Variants in TSC22D1 observed in about 807,000 individuals in gnomAD.
The protein encoded by TSC22D1 is TSC22 domain family member 1, also known as TSC22 domain family protein 1.
A neutral mutation model predicts 74.2 loss-of-function variants in TSC22D1; 9 were observed. The ratio of observed to expected loss-of-function variants is 0.12; its 90% CI spans 0.07 to 0.21. The LOEUF (loss-of-function observed/expected upper bound fraction) is 0.21, where lower values mean the gene tolerates loss of function less well. TSC22D1 is among the 10% of genes least tolerant of loss of function. TSC22D1 has a pLI of 1.00. For synonymous variants in TSC22D1, 586 were observed against 492.5 expected, an observed-to-expected ratio of 1.19 and a Z score of -2.51; for missense variants, 1,427 against 1,304.7, an observed-to-expected ratio of 1.09 and a Z score of -1.44.
At chr13:44,509,394 T>C (rs900195234) in intron 1 of TSC22D1, among the ~76,000 whole-genome samples, 3 of 152,214 alleles carry the variant, frequency 2.0e-5, no homozygotes, top group Non-Finnish European at 4.4e-5. Flanking sequence ...ATCCCAGCAC[T>C]TTGGGAGGCC....
At chr13:44,553,995 G>A (rs1303303167) in intron 1 of TSC22D1, among the ~76,000 whole-genome samples, 3 of 152,164 alleles carry the variant, frequency 2.0e-5, no homozygotes, top group Non-Finnish European at 2.9e-5. Flanking sequence ...GTACAGAACC[G>A]CTGCTTTAGA....
intron 1 of TSC22D1, among the ~76,000 whole-genome samples, chr13:44,570,733 A>T (rs992612777): frequency 6.6e-6 from 1 of 152,178 alleles, no homozygotes. Context: ...CATAATATTG[A>T]AATTATATAT....
rs1260650883 is a variant in TSC22D1, at chr13:44,437,168, G to A, written c.2913-1073C>T. On this transcript the variant is annotated intron_variant, in intron 1 of 2. Transcript: ENST00000458659. ...AAAAATACTATGGGGGCCCCCACAC[G>A]TGCTTACGTTTAAGGGAGTCAGACC... is the stretch of plus-strand genomic sequence containing the variant. 14 of 985,430 alleles carry A rather than the reference G, an allele frequency of 1.4e-5. 1 individual carries two copies. The South Asian group carries it at 4.7e-4, about 33-fold the overall frequency. 61.0% of individuals were successfully genotyped at this position (985,430 alleles called of 1,614,324 possible).
intron 1 of TSC22D1, among the ~76,000 whole-genome samples, chr13:44,451,093 C>T (rs994026831): frequency 6.6e-6 from 1 of 152,152 alleles, no homozygotes; most frequent in Non-Finnish European, 1.5e-5. Flanking sequence ...ATGAAGAGAT[C>T]AGGTCAGCTC....
chr13:44,443,522 A>T (rs1875375423), intron 1 of TSC22D1, among the ~76,000 whole-genome samples: 1 of 152,194 alleles, frequency 6.6e-6, no homozygotes, highest in South Asian at 2.1e-4. Context: ...GGTTAAATAC[A>T]AAAACTTTTC....
At position 44,539,716 on chromosome 13, in the gene TSC22D1, A is replaced by AGG. The variant is rs145783518; in HGVS notation, c.2912+33445_2912+33446dup. 6,948 of 1,210,148 alleles carry AGG rather than the reference A, an allele frequency of 5.7e-3. 217 individuals are homozygous for AGG. In the African/African-American group the frequency reaches 0.078, roughly 14 times the overall value. The allele number at this position is 1,210,148 out of a possible 1,614,324, so 75.0% of individuals were successfully genotyped here. Reference sequence around the variant, plus strand: ...ACCACAGAATTAAATGGGCAATGGAAGGACACTCCAATCTATAAATTAACC... The same window carrying AGG: ...ACCACAGAATTAAATGGGCAATGGAAGGGGACACTCCAATCTATAAATTAACC... On this transcript the variant is annotated intron_variant, in intron 1 of 2. Transcript: ENST00000458659.
intron 1 of TSC22D1, among the ~76,000 whole-genome samples, chr13:44,551,389 G>GGTGGGTGTGTGGGGGTGT (rs1298469090): frequency 8.0e-6 from 1 of 125,252 alleles, no homozygotes. Context: ...CAATCAGATG[G>GGTGGGTGTGTGGGGGTGT]GTGTGTGTGT....
rs183576810 is a variant in TSC22D1 at position 44,541,666 on chromosome 13, G to A, written c.2912+31497C>T. On this transcript the variant is annotated intron_variant, in intron 1 of 2. Transcript: ENST00000458659. ...TTTTACAGTATAATCACAATGAGGA[G>A]GTATATGATGGATGATAAGAAGAAA... 1.1e-3 allele frequency among the ~76,000 whole-genome samples: 173 copies of A among 152,084 alleles called. 1 individual carries two copies. Among genetic ancestry groups the A allele is most frequent in the Middle Eastern group, 0.01 (3 of 294 alleles).
intron 1 of TSC22D1, among the ~76,000 whole-genome samples, chr13:44,500,042 G>A (rs746673966): frequency 6.6e-5 from 10 of 150,648 alleles, no homozygotes; most frequent in African/African-American, 1.2e-4. Flanking sequence ...AGCTGAGATG[G>A]CGCCCACTGC....
intron 1 of TSC22D1, among the ~76,000 whole-genome samples, chr13:44,528,112 C>G (rs909474266): frequency 1.3e-5 from 2 of 151,876 alleles, no homozygotes; most frequent in Non-Finnish European, 2.9e-5. Context: ...ACTTAAACAC[C>G]CCTCAATCAG....
At chr13:44,517,811 A>G (rs112448096) in intron 1 of TSC22D1, among the ~76,000 whole-genome samples, 6,232 of 54,994 alleles carry the variant, frequency 0.11, 464 homozygotes, top group Non-Finnish European at 0.16. Flanking sequence ...ACACATATAT[A>G]TGTGTGTGTG....
intron 1 of TSC22D1, among the ~76,000 whole-genome samples, chr13:44,478,272 A>AG (rs1431939575): frequency 6.6e-6 from 1 of 152,208 alleles, no homozygotes; most frequent in Non-Finnish European, 1.5e-5. Flanking sequence ...TGTTTTATAC[A>AG]GAAAAAATAC....
rs746467298 is a variant in TSC22D1 at position 44,537,502 on chromosome 13, G to C, written c.2912+35661C>G. On this transcript the variant is annotated intron_variant, in intron 1 of 2. Transcript: ENST00000458659. ...CTTATAATCTCACAGGCCACACAAA[G>C]CGGTTTCTACTGTGGTTCAAAGAGT... 479 of 984,958 alleles carry C rather than the reference G, an allele frequency of 4.9e-4. 1 individual carries two copies. Among genetic ancestry groups the C allele is most frequent in the Middle Eastern group, 1.0e-3 (2 of 1,936 alleles). 61.0% of individuals were successfully genotyped at this position (984,958 alleles called of 1,614,324 possible). A position where few individuals can be genotyped will look rare whatever the true frequency, so the allele number is the denominator to read the frequency against.
intron 1 of TSC22D1, among the ~76,000 whole-genome samples, chr13:44,518,224 A>C (rs1415818018): frequency 6.6e-6 from 1 of 152,066 alleles, no homozygotes; most frequent in African/African-American, 2.4e-5. Context: ...TTTTGATGAA[A>C]AAAGAAGTTA....
intron 1 of TSC22D1, among the ~76,000 whole-genome samples, chr13:44,470,978 C>T (rs1424546585): frequency 1.3e-5 from 2 of 152,142 alleles, no homozygotes; most frequent in South Asian, 4.1e-4. Context: ...TTATATTCTA[C>T]TGCTTAAGAA....
intron 1 of TSC22D1, among the ~76,000 whole-genome samples, chr13:44,511,098 C>G (rs771860161): frequency 2.0e-5 from 3 of 152,018 alleles, no homozygotes; most frequent in Admixed American, 6.5e-5. Flanking sequence ...CTGGGCAACA[C>G]GGCAAAACCC....
intron 1 of TSC22D1, among the ~76,000 whole-genome samples, chr13:44,445,695 T>C (rs564627843): frequency 6.6e-6 from 1 of 151,802 alleles, no homozygotes; most frequent in Non-Finnish European, 1.5e-5. Context: ...AAACAACCCA[T>C]TAAAAGAAAA....
chr13:44,456,769 G>A (rs1280583388), intron 1 of TSC22D1, among the ~76,000 whole-genome samples: 1 of 151,884 alleles, frequency 6.6e-6, no homozygotes, highest in Non-Finnish European at 1.5e-5. Flanking sequence ...TGATATGAGA[G>A]CATAAGTGAA....
intron 1 of TSC22D1, among the ~76,000 whole-genome samples, chr13:44,473,218 G>C (rs772481028): frequency 6.6e-6 from 1 of 152,210 alleles, no homozygotes; most frequent in African/African-American, 2.4e-5. Context: ...CTGGAGGCCA[G>C]GCACAACGGC....
Sources: allele counts gnomAD v4.1 joint callset (sites outside exome capture counted in the v4.1 genomes callset), GRCh38; gene constraint gnomAD v4.1.1; transcripts MANE v1.5; gene names NCBI Gene and HGNC (gene_info 2026-07-23, HGNC 2026-07-21).